ATP8A1: variants seen among roughly 807,000 people sequenced by gnomAD.
The protein encoded by ATP8A1 is phospholipid-transporting ATPase IA.
In ATP8A1, 90 loss-of-function variants were observed where a neutral mutation model predicts 177.7. The ratio of observed to expected loss-of-function variants is 0.51; its 90% CI spans 0.43 to 0.60. ATP8A1 has a LOEUF of 0.60. ATP8A1 is among the 20% of genes least tolerant of loss of function. The pLI, the probability that ATP8A1 is intolerant of heterozygous loss-of-function variation, is 0.00. For missense variants in ATP8A1, 1,072 were observed against 1,392.8 expected, an observed-to-expected ratio of 0.77 and a Z score of 3.67; for synonymous variants, 493 against 485.9, an observed-to-expected ratio of 1.01 and a Z score of -0.19.
intron 1 of ATP8A1, among the ~76,000 whole-genome samples, chr4:42,630,346 C>T (rs948026504): frequency 1.1e-4 from 17 of 152,164 alleles, no homozygotes; most frequent in Admixed American, 2.6e-4. Context: ...GGTTCGTTCA[C>T]ATAAGTCATT....
chr4:42,596,944 A>G (rs1376231327), intron 6 of ATP8A1, among the ~76,000 whole-genome samples: 6 of 152,164 alleles, frequency 3.9e-5, no homozygotes, highest in Admixed American at 6.5e-5. Context: ...AGGAGTCACA[A>G]TGTAGTTCCT....
intron 25 of ATP8A1, among the ~76,000 whole-genome samples, chr4:42,465,322 C>T (rs980536187): frequency 2.0e-5 from 3 of 152,200 alleles, no homozygotes; most frequent in Admixed American, 1.3e-4. Flanking sequence ...AGAGAGAATG[C>T]TTTGTTAAAC....
chr4:42,635,905 C>T (rs1739288829), intron 1 of ATP8A1, among the ~76,000 whole-genome samples: 1 of 149,708 alleles, frequency 6.7e-6, no homozygotes, highest in East Asian at 2.0e-4. Flanking sequence ...AGATCTAAGG[C>T]AGCTTGACTA....
intron 16 of ATP8A1, among the ~76,000 whole-genome samples, chr4:42,554,796 G>A (rs1421161692): frequency 6.6e-6 from 1 of 151,874 alleles, no homozygotes; most frequent in Non-Finnish European, 1.5e-5. Context: ...CTGTGAGGGT[G>A]CTGCCAAAGG....
chr4:42,624,302 ATTTCT>A (rs914272271), intron 4 of ATP8A1, among the ~76,000 whole-genome samples: 3 of 152,200 alleles, frequency 2.0e-5, no homozygotes, highest in East Asian at 1.9e-4. Context: ...CAGTAAATTA[ATTTCT>A]TTTATTTGCT....
At chr4:42,562,640 C>T (rs1730953915) in intron 15 of ATP8A1, among the ~76,000 whole-genome samples, 1 of 152,204 alleles carries the variant, frequency 6.6e-6, no homozygotes, top group East Asian at 1.9e-4. Context: ...TATTGTTTGG[C>T]TGTGTTCCCA....
At chr4:42,642,869 C>T (rs557176937) in intron 1 of ATP8A1, among the ~76,000 whole-genome samples, 10 of 152,284 alleles carry the variant, frequency 6.6e-5, no homozygotes, top group African/African-American at 1.2e-4. Context: ...GAAAACTCCA[C>T]GAAGACTTCA....
intron 25 of ATP8A1, among the ~76,000 whole-genome samples, chr4:42,478,885 G>A (rs1342063763): frequency 6.6e-6 from 1 of 152,198 alleles, no homozygotes; most frequent in African/African-American, 2.4e-5. Flanking sequence ...ACCAGATTGT[G>A]CAGCTGGCAC....
At chr4:42,567,756 C>T (rs1230135806) in intron 15 of ATP8A1, among the ~76,000 whole-genome samples, 1 of 152,156 alleles carries the variant, frequency 6.6e-6, no homozygotes, top group Admixed American at 6.5e-5. Flanking sequence ...GATAAAATAA[C>T]ATCCGCTCTT....
chr4:42,510,847 A>G (rs1048132927), intron 22 of ATP8A1, among the ~76,000 whole-genome samples: 1 of 152,226 alleles, frequency 6.6e-6, no homozygotes, highest in African/African-American at 2.4e-5. Flanking sequence ...AGTTTTGCAC[A>G]GGTAAAAGAG....
At chr4:42,583,373 T>C (rs1733303452) in intron 9 of ATP8A1, among the ~76,000 whole-genome samples, 1 of 152,186 alleles carries the variant, frequency 6.6e-6, no homozygotes, top group South Asian at 2.1e-4. Flanking sequence ...TAAGGGTGCA[T>C]TTCAGAGTTG....
rs1317468879 is a variant in ATP8A1 at position 42,551,276 on chromosome 4, C to T, written c.1524G>A (p.Glu508=). 2 of 1,613,104 alleles carry T rather than the reference C, an allele frequency of 1.2e-6. No homozygotes were observed. The highest frequency in any genetic ancestry group is 1.3e-5 in the African/African-American group (1 of 74,948). Residue 508 remains glutamate, a synonymous_variant, in exon 18 of 37, where the codon GAG becomes GAA. Transcript: ENST00000381668. ...GCTTGGCTGCTCTGACCAATGCTCC[C>T]TCATCTGTTTTAGAAAAAGAGGTAA... ...KIIYQAASPD[E]GALVRAAKQL...
intron 25 of ATP8A1, among the ~76,000 whole-genome samples, chr4:42,481,219 A>T (rs189666771): frequency 6.6e-6 from 1 of 152,340 alleles, no homozygotes; most frequent in Non-Finnish European, 1.5e-5. Context: ...TTCCCAGCAG[A>T]GTGGCCAACA....
chr4:42,497,594 G>A (rs1311944352), intron 24 of ATP8A1, among the ~76,000 whole-genome samples: 2 of 152,092 alleles, frequency 1.3e-5, no homozygotes, highest in Non-Finnish European at 1.5e-5. Flanking sequence ...ATAAATTTGT[G>A]AACAACCTCA....
chr4:42,544,590 C>T (rs760694636), intron 19 of ATP8A1, among the ~76,000 whole-genome samples: 8 of 152,294 alleles, frequency 5.3e-5, no homozygotes, highest in Non-Finnish European at 8.8e-5. Context: ...TTAATAAGAA[C>T]TGTCTGTCAA....
At chr4:42,466,834 GT>G (rs1429189411) in intron 25 of ATP8A1, among the ~76,000 whole-genome samples, 1 of 152,192 alleles carries the variant, frequency 6.6e-6, no homozygotes, top group Non-Finnish European at 1.5e-5. Context: ...AAACTGGTAA[GT>G]CCACTGGCTG....
chr4:42,517,068 AG>A (rs370632250), intron 22 of ATP8A1, among the ~76,000 whole-genome samples: 1,533 of 152,108 alleles, frequency 0.01, 24 homozygotes, highest in African/African-American at 0.035. Context: ...TGGGAGGCCA[AG>A]GGGGGGTGGA....
intron 27 of ATP8A1, among the ~76,000 whole-genome samples, chr4:42,462,062 T>C (rs1056106436): frequency 6.6e-6 from 1 of 152,162 alleles, no homozygotes; most frequent in Admixed American, 6.5e-5. Context: ...AGAGGTGACT[T>C]GGGTGCTGTT....
At chr4:42,446,495 T>A (rs1270606887) in intron 31 of ATP8A1, 88 bp downstream of exon 31, 3 of 1,349,450 alleles carry the variant, frequency 2.2e-6, no homozygotes, top group Non-Finnish European at 2.1e-6. Flanking sequence ...CCAGAAACAC[T>A]CATATCACGT....
Sources: gnomAD v4.1 joint callset for allele counts (sites outside exome capture counted in the v4.1 genomes callset) on GRCh38, gnomAD v4.1.1 for gene constraint, MANE v1.5 for transcripts, NCBI Gene and HGNC (gene_info 2026-07-23, HGNC 2026-07-21) for gene names.